Variants in AGTR1 observed in about 807,000 individuals in gnomAD.
AGTR1 encodes the protein angiotensin II receptor type 1.
A neutral mutation model predicts 19.4 loss-of-function variants in AGTR1; 16 were observed. That is an observed-to-expected ratio of 0.82 (90% confidence interval 0.56 to 1.25). The LOEUF is 1.25. Among genes scored for constraint, AGTR1 ranks in the 50% most tolerant of loss-of-function variants. The pLI, the probability that AGTR1 is intolerant of heterozygous loss-of-function variation, is 0.00. For synonymous variants in AGTR1, 153 were observed against 154.9 expected (o/e 0.99, Z 0.09); for missense variants, 373 against 431.9 (o/e 0.86, Z 1.21).
At chr3:148,711,746 G>C (rs1237749841) in intron 2 of AGTR1, among the ~76,000 whole-genome samples, 1 of 151,998 alleles carries the variant, frequency 6.6e-6, no homozygotes, top group Non-Finnish European at 1.5e-5. Flanking sequence ...TAGACAGACA[G>C]ACAGATAGAC....
chr3:148,731,768 C>T (rs1045986242), intron 2 of AGTR1, among the ~76,000 whole-genome samples: 3 of 152,198 alleles, frequency 2.0e-5, no homozygotes, highest in Non-Finnish European at 4.4e-5. Context: ...CCAGTGCTTT[C>T]TCTTCCAGGC....
intron 2 of AGTR1, among the ~76,000 whole-genome samples, chr3:148,715,278 A>G (rs1352354741): frequency 6.6e-6 from 1 of 152,062 alleles, no homozygotes; most frequent in Non-Finnish European, 1.5e-5. Context: ...AAGATTTCCT[A>G]ATGAGGATTA....
At chr3:148,710,360 G>A (rs1712913150) in intron 2 of AGTR1, among the ~76,000 whole-genome samples, 1 of 152,030 alleles carries the variant, frequency 6.6e-6, no homozygotes, top group Admixed American at 6.6e-5. Flanking sequence ...TTCTAAAGTT[G>A]CAGTTCTTGA....
intron 2 of AGTR1, among the ~76,000 whole-genome samples, chr3:148,719,746 A>G (rs1492098): frequency 0.34 from 51,017 of 152,090 alleles, 12,200 homozygotes; most frequent in African/African-American, 0.68. Flanking sequence ...TGCAGATTCT[A>G]TCTCGGTCTG....
intron 2 of AGTR1, among the ~76,000 whole-genome samples, chr3:148,710,024 G>C (rs12721202): frequency 6.6e-6 from 1 of 152,032 alleles, no homozygotes; most frequent in Non-Finnish European, 1.5e-5. Flanking sequence ...TAAAAATTCA[G>C]CCCCTCTGTT....
chr3:148,706,693 A>G (rs1431148384), intron 1 of AGTR1, among the ~76,000 whole-genome samples: 3 of 152,068 alleles, frequency 2.0e-5, no homozygotes, highest in African/African-American at 7.2e-5. Flanking sequence ...AGCAAAAGCC[A>G]TGGCTGAGAA....
intron 1 of AGTR1, among the ~76,000 whole-genome samples, chr3:148,704,361 GT>G (rs1199738761): frequency 7.8e-6 from 1 of 127,544 alleles, no homozygotes. Context: ...GAAAGACCCT[GT>G]CTCGAATAAT....
intron 2 of AGTR1, among the ~76,000 whole-genome samples, chr3:148,734,806 G>A (rs3772615): frequency 0.048 from 7,300 of 152,146 alleles, 186 homozygotes; most frequent in African/African-American, 0.061. Flanking sequence ...CAGGATTCCC[G>A]GTATAGAGGC....
chr3:148,711,963 G>T (rs1450752554), intron 2 of AGTR1, among the ~76,000 whole-genome samples: 1 of 151,876 alleles, frequency 6.6e-6, no homozygotes, highest in East Asian at 1.9e-4. Context: ...CATTGCCTAG[G>T]TTGCTCATGA....
chr3:148,727,661 T>G (rs552807741), intron 2 of AGTR1, among the ~76,000 whole-genome samples: 11 of 152,210 alleles, frequency 7.2e-5, no homozygotes, highest in Non-Finnish European at 1.6e-4. Flanking sequence ...AGATATTTAG[T>G]AAACTCCCTG....
chr3:148,718,481 A>G (rs892034279), intron 2 of AGTR1, among the ~76,000 whole-genome samples: 5 of 152,136 alleles, frequency 3.3e-5, no homozygotes, highest in African/African-American at 1.2e-4. Flanking sequence ...GGTAGACCCA[A>G]ATGGACTACT....
At position 148,700,166 on chromosome 3, in the gene AGTR1, T is replaced by G. The variant is rs532383494; in HGVS notation, c.-132+2039T>G. ...TTGGGATCAGAGTTGTGTGAGTATT[T>G]GTGTATATAATTTTGTTTTGGTTTT... On this transcript the variant is annotated intron_variant, in intron 1 of 2. Transcript: ENST00000349243. 3.3e-5 allele frequency among the ~76,000 whole-genome samples: 5 copies of G among 152,166 alleles called. No individual in the cohort carries two copies. The South Asian group carries it at 1.0e-3, about 31-fold the overall frequency.
intron 2 of AGTR1, 99 bp from the exon 3 acceptor site, chr3:148,740,890 G>A: frequency 9.1e-7 from 1 of 1,100,328 alleles, no homozygotes; most frequent in Non-Finnish European, 1.3e-6. Flanking sequence ...TAAGACTAAA[G>A]TTGAGTTACT....
chr3:148,706,831 T>C (rs1712694466), intron 1 of AGTR1, among the ~76,000 whole-genome samples: 1 of 152,042 alleles, frequency 6.6e-6, no homozygotes, highest in South Asian at 2.1e-4. Context: ...AAAAATGATT[T>C]GATAAAACCC....
At chr3:148,714,077 A>C (rs981217142) in intron 2 of AGTR1, among the ~76,000 whole-genome samples, 1 of 152,170 alleles carries the variant, frequency 6.6e-6, no homozygotes, top group Non-Finnish European at 1.5e-5. Flanking sequence ...AGGATATTAA[A>C]CACTAGGTAT....
chr3:148,731,039 A>G (rs1233880813), intron 2 of AGTR1, among the ~76,000 whole-genome samples: 8 of 152,244 alleles, frequency 5.3e-5, no homozygotes, highest in Non-Finnish European at 1.0e-4. Context: ...ATAATTTTAT[A>G]TGGATTACAT....
At chr3:148,720,511 G>A (rs1713570767) in intron 2 of AGTR1, among the ~76,000 whole-genome samples, 1 of 152,106 alleles carries the variant, frequency 6.6e-6, no homozygotes, top group Non-Finnish European at 1.5e-5. Flanking sequence ...TTAACAAGCT[G>A]TAGCATAGAG....
chr3:148,723,195 C>T (rs1320732248), intron 2 of AGTR1, among the ~76,000 whole-genome samples: 1 of 152,108 alleles, frequency 6.6e-6, no homozygotes, highest in African/African-American at 2.4e-5. Flanking sequence ...ATTCCCAAAT[C>T]TGCAGTGAAT....
At chr3:148,705,136 C>T (rs897264565) in intron 1 of AGTR1, among the ~76,000 whole-genome samples, 7 of 152,264 alleles carry the variant, frequency 4.6e-5, no homozygotes, top group African/African-American at 1.7e-4. Context: ...CACTAAGCCC[C>T]AATATTTGTG....
Sources: gnomAD v4.1 joint callset for allele counts (sites outside exome capture counted in the v4.1 genomes callset) on GRCh38, gnomAD v4.1.1 for gene constraint, MANE v1.5 for transcripts, NCBI Gene and HGNC (gene_info 2026-07-23, HGNC 2026-07-21) for gene names.